Variants in PSD3 observed in about 807,000 individuals in gnomAD.
PSD3 encodes pleckstrin and Sec7 domain containing 3, also known as PH and SEC7 domain-containing protein 3.
In PSD3, 49 loss-of-function variants were observed where a neutral mutation model predicts 105.5. The ratio of observed to expected loss-of-function variants is 0.46; its 90% CI spans 0.37 to 0.59. The LOEUF (loss-of-function observed/expected upper bound fraction) is 0.59, where lower values mean the gene tolerates loss of function less well. Among genes scored for constraint, PSD3 ranks in the 20% least tolerant of loss-of-function variants. The pLI is 0.00. For missense variants in PSD3, 1,561 were observed against 1,263.8 expected (o/e 1.24, Z -3.57); for synonymous variants, 557 against 457.8 (o/e 1.22, Z -2.77).
chr8:18,563,449 C>T (rs749928529), intron 14 of PSD3, among the ~76,000 whole-genome samples: 6 of 151,948 alleles, frequency 3.9e-5, no homozygotes, highest in Admixed American at 3.9e-4. Context: ...TCTAGGGATC[C>T]GCAGTGCAAC....
At chr8:19,013,864 C>T (rs1168208767), upstream of PSD3, among the ~76,000 whole-genome samples, 2 of 139,152 alleles carry the variant, frequency 1.4e-5, no homozygotes, top group South Asian at 4.7e-4. Flanking sequence ...GAGGCGGGGC[C>T]GACGCCTCGG....
intron 11 of PSD3, among the ~76,000 whole-genome samples, chr8:18,630,901 T>C (rs1307003390): frequency 6.6e-6 from 1 of 151,700 alleles, no homozygotes; most frequent in Non-Finnish European, 1.5e-5. Flanking sequence ...TTAAAGTATA[T>C]GGGAGGATAT....
At chr8:18,675,976 C>T (rs1479819766) in intron 9 of PSD3, among the ~76,000 whole-genome samples, 1 of 152,174 alleles carries the variant, frequency 6.6e-6, no homozygotes, top group Non-Finnish European at 1.5e-5. Context: ...AATAGCTTGT[C>T]ACCATACATA....
At chr8:18,649,676 G>C (rs1239522429) in intron 10 of PSD3, among the ~76,000 whole-genome samples, 3 of 152,172 alleles carry the variant, frequency 2.0e-5, no homozygotes, top group African/African-American at 4.8e-5. Flanking sequence ...GTTTGGATCT[G>C]TGCTCCCACA....
At chr8:19,068,195 G>A (rs1477907066) in intron 1 of PSD3, among the ~76,000 whole-genome samples, 1 of 151,850 alleles carries the variant, frequency 6.6e-6, no homozygotes, top group African/African-American at 2.4e-5. Flanking sequence ...GAGATCCTTA[G>A]CGATGGTGGA....
At chr8:18,606,342 G>A (rs573307855) in intron 11 of PSD3, among the ~76,000 whole-genome samples, 19 of 152,100 alleles carry the variant, frequency 1.2e-4, no homozygotes, top group African/African-American at 3.6e-4. Flanking sequence ...AAAATGTCCT[G>A]AAGGCTTAGC....
At chr8:19,069,441 A>T (rs1392909598) in intron 1 of PSD3, among the ~76,000 whole-genome samples, 4 of 152,200 alleles carry the variant, frequency 2.6e-5, no homozygotes, top group African/African-American at 7.2e-5. Context: ...AGACTCCCTA[A>T]AAGTGCTTGG....
At chr8:18,583,859 A>G (rs1265102828) in intron 12 of PSD3, among the ~76,000 whole-genome samples, 3 of 152,094 alleles carry the variant, frequency 2.0e-5, no homozygotes, top group Non-Finnish European at 4.4e-5. Flanking sequence ...GCTCACAATC[A>G]TATCTCTAGT....
chr8:18,885,008 G>A (rs954260098), intron 2 of PSD3, among the ~76,000 whole-genome samples: 3 of 152,218 alleles, frequency 2.0e-5, no homozygotes, highest in African/African-American at 7.2e-5. Context: ...TAAGCTGTAA[G>A]AGCTGAATTT....
chr8:18,910,914 CTG>C (rs1247339750), intron 2 of PSD3, among the ~76,000 whole-genome samples: 1 of 150,806 alleles, frequency 6.6e-6, no homozygotes, highest in Non-Finnish European at 1.5e-5. Flanking sequence ...TAGCAAGACT[CTG>C]TCTCTACATA....
At chr8:19,014,756 C>A (rs1484443398), upstream of PSD3, among the ~76,000 whole-genome samples, 1 of 152,232 alleles carries the variant, frequency 6.6e-6, no homozygotes, top group Non-Finnish European at 1.5e-5. The surrounding 1 kb of genome is among the most constrained non-coding windows in gnomAD (Gnocchi z 4.9). Context: ...GGTGGCCCCA[C>A]GATCTCGCCC....
At chr8:18,879,051 A>AACACACACACACACACACAC (rs59598569) in intron 2 of PSD3, among the ~76,000 whole-genome samples, 24 of 138,604 alleles carry the variant, frequency 1.7e-4, no homozygotes, top group African/African-American at 2.1e-4. Context: ...CACACACACA[A>AACACACACACACACACACAC]ACACACACAC....
At chr8:19,013,737 G>C, upstream of PSD3, 1 of 502,540 alleles carries the variant, frequency 2.0e-6, no homozygotes, top group Non-Finnish European at 2.8e-6. Flanking sequence ...CCTGGCGGAG[G>C]CTGGCGAGGC....
chr8:19,047,024 A>G (rs1828343766), intron 1 of PSD3, among the ~76,000 whole-genome samples: 1 of 152,132 alleles, frequency 6.6e-6, no homozygotes, highest in Non-Finnish European at 1.5e-5. Context: ...TCCAGCAATT[A>G]CATTTATCAG....
At chr8:18,974,411 C>CCAT (rs1824816775) in intron 1 of PSD3, among the ~76,000 whole-genome samples, 1 of 151,736 alleles carries the variant, frequency 6.6e-6, no homozygotes, top group Non-Finnish European at 1.5e-5. Context: ...CTGAAACTGA[C>CCAT]ATTTCCCAGG....
chr8:18,931,968 A>G (rs1821778864), intron 2 of PSD3, among the ~76,000 whole-genome samples: 1 of 152,184 alleles, frequency 6.6e-6, no homozygotes, highest in South Asian at 2.1e-4. Context: ...AAACCTACCA[A>G]TGAGTTTGGG....
intron 9 of PSD3, among the ~76,000 whole-genome samples, chr8:18,752,086 G>A (rs1805540945): frequency 6.6e-6 from 1 of 151,566 alleles, no homozygotes. Context: ...TACTCGGGAG[G>A]CTGTGTCAGG....
intron 8 of PSD3, among the ~76,000 whole-genome samples, chr8:18,791,624 C>A (rs1190747924): frequency 6.6e-6 from 1 of 152,082 alleles, no homozygotes; most frequent in Non-Finnish European, 1.5e-5. Flanking sequence ...ACCAATAAAA[C>A]CCTAACAGAA....
intron 8 of PSD3, chr8:18,774,896 T>A: frequency 2.2e-6 from 1 of 456,182 alleles, no homozygotes; most frequent in South Asian, 1.5e-5. Flanking sequence ...GCCTCAAAGA[T>A]CCTGAGCCTT....
Sources: gnomAD v4.1 joint callset for allele counts (sites outside exome capture counted in the v4.1 genomes callset) on GRCh38, gnomAD v4.1.1 for gene constraint, Gnocchi (gnomAD v3.1) non-coding constraint, MANE v1.5 for transcripts, NCBI Gene and HGNC (gene_info 2026-07-23, HGNC 2026-07-21) for gene names.